Variants in CHSY3 observed in about 807,000 individuals in gnomAD.
CHSY3 encodes the protein chondroitin sulfate synthase 3.
A neutral mutation model predicts 67.2 loss-of-function variants in CHSY3; 35 were observed. The observed-to-expected ratio is 0.52, with a 90% CI of 0.40 to 0.69. The LOEUF (loss-of-function observed/expected upper bound fraction) is 0.69. CHSY3 is among the 30% of genes least tolerant of loss of function. The probability of loss-of-function intolerance (pLI) is 0.00; values close to 1 mark genes in which losing one functional copy is unlikely to be tolerated. For missense variants in CHSY3, 1,069 were observed against 1,138.5 expected (o/e 0.94, Z 0.88); for synonymous variants, 474 against 434.7 (o/e 1.09, Z -1.12).
At chr5:130,149,105 C>T (rs1411984834) in intron 2 of CHSY3, among the ~76,000 whole-genome samples, 2 of 152,134 alleles carry the variant, frequency 1.3e-5, no homozygotes, top group Non-Finnish European at 2.9e-5. Flanking sequence ...TTTCAATCTT[C>T]TTCATATGGC....
At chr5:130,143,399 A>G (rs983679688) in intron 2 of CHSY3, among the ~76,000 whole-genome samples, 1 of 152,106 alleles carries the variant, frequency 6.6e-6, no homozygotes, top group Admixed American at 6.6e-5. Flanking sequence ...AGGCCAAATT[A>G]ATCTATGCTA....
intron 2 of CHSY3, among the ~76,000 whole-genome samples, chr5:129,979,199 CAAAAAAAA>C (rs58584381): frequency 9.6e-5 from 6 of 62,538 alleles, no homozygotes; most frequent in Admixed American, 2.5e-4. Flanking sequence ...GACTCCGTCT[CAAAAAAAA>C]AAAAAAAAAA....
At chr5:129,951,756 T>A (rs1180976175) in intron 2 of CHSY3, among the ~76,000 whole-genome samples, 1 of 152,218 alleles carries the variant, frequency 6.6e-6, no homozygotes, top group Non-Finnish European at 1.5e-5. Flanking sequence ...ATGTAGATAC[T>A]TGGCTTTGTA....
At chr5:129,954,646 C>T (rs1035418251) in intron 2 of CHSY3, among the ~76,000 whole-genome samples, 2 of 152,036 alleles carry the variant, frequency 1.3e-5, no homozygotes, top group Admixed American at 6.6e-5. Flanking sequence ...TTTGTGTCCT[C>T]TCTTATTTCC....
chr5:129,997,821 C>T (rs751316113), intron 2 of CHSY3, among the ~76,000 whole-genome samples: 9 of 151,978 alleles, frequency 5.9e-5, no homozygotes, highest in Non-Finnish European at 7.4e-5. Context: ...TCCATGTCCC[C>T]GCAAAGGACA....
At chr5:129,966,013 A>G (rs80293966) in intron 2 of CHSY3, among the ~76,000 whole-genome samples, 2,214 of 152,034 alleles carry the variant, frequency 0.015, 64 homozygotes, top group African/African-American at 0.051. Flanking sequence ...CTGTACACAC[A>G]TGCAAAGATG....
chr5:130,147,527 A>G (rs759959957), intron 2 of CHSY3, among the ~76,000 whole-genome samples: 1 of 152,212 alleles, frequency 6.6e-6, no homozygotes, highest in Non-Finnish European at 1.5e-5. Context: ...TATAACATCA[A>G]GCATTTTAAC....
intron 2 of CHSY3, among the ~76,000 whole-genome samples, chr5:130,089,087 T>C (rs1285753308): frequency 1.3e-5 from 2 of 151,232 alleles, no homozygotes; most frequent in Admixed American, 6.6e-5. Context: ...ATGGAAGAAA[T>C]TGGAAATCAT....
At chr5:130,109,867 A>G (rs574484956) in intron 2 of CHSY3, among the ~76,000 whole-genome samples, 1 of 151,926 alleles carries the variant, frequency 6.6e-6, no homozygotes, top group African/African-American at 2.4e-5. Flanking sequence ...TCTTGTTTAA[A>G]CCAAAAGTGA....
chr5:129,999,192 T>G (rs1004289305), intron 2 of CHSY3, among the ~76,000 whole-genome samples: 1 of 151,738 alleles, frequency 6.6e-6, no homozygotes, highest in Admixed American at 6.6e-5. Flanking sequence ...TAATGTATCT[T>G]TTTTTCTATA....
chr5:129,934,276 C>A (rs2436450), intron 2 of CHSY3, among the ~76,000 whole-genome samples: 48,613 of 151,776 alleles, frequency 0.32, 8,226 homozygotes, highest in South Asian at 0.46. Flanking sequence ...ATATACATTA[C>A]AATATAATTA....
At chr5:129,912,373 C>T (rs373347321) in intron 2 of CHSY3, among the ~76,000 whole-genome samples, 6 of 152,060 alleles carry the variant, frequency 3.9e-5, no homozygotes, top group African/African-American at 9.7e-5. Context: ...ATCTCATTCT[C>T]CAGTCAACTC....
chr5:130,042,122 G>T (rs1765021179), intron 2 of CHSY3, among the ~76,000 whole-genome samples: 1 of 152,028 alleles, frequency 6.6e-6, no homozygotes, highest in Admixed American at 6.6e-5. Context: ...TGTAGTCCCA[G>T]CTACTTGGGA....
chr5:130,038,690 A>G (rs182124077), intron 2 of CHSY3, among the ~76,000 whole-genome samples: 2 of 152,242 alleles, frequency 1.3e-5, no homozygotes, highest in East Asian at 1.9e-4. Context: ...CCAAATAATT[A>G]GTTTTCTCTG....
At chr5:130,137,397 G>A (rs554725810) in intron 2 of CHSY3, among the ~76,000 whole-genome samples, 12 of 151,890 alleles carry the variant, frequency 7.9e-5, no homozygotes, top group Admixed American at 5.9e-4. Context: ...CTAAATATTC[G>A]AATATTTTCA....
At chr5:130,120,861 G>T (rs1384733385) in intron 2 of CHSY3, among the ~76,000 whole-genome samples, 3 of 152,200 alleles carry the variant, frequency 2.0e-5, no homozygotes, top group Non-Finnish European at 4.4e-5. Context: ...CCAAATGTTA[G>T]AATGTGGCCT....
At chr5:129,923,361 G>A (rs1008329989) in intron 2 of CHSY3, among the ~76,000 whole-genome samples, 3 of 152,144 alleles carry the variant, frequency 2.0e-5, no homozygotes, top group Non-Finnish European at 4.4e-5. Context: ...AGAGGGTGAA[G>A]AGGAGTGAGT....
rs1298647034 is a variant in CHSY3 at position 130,178,251 on chromosome 5, A to ATTTTTT, written c.1087-5977_1087-5976insTTTTTT. Among the ~76,000 whole-genome samples, 157 of 62,706 alleles carry ATTTTTT rather than the reference A, an allele frequency of 2.5e-3. 1 individual carries two copies. Among genetic ancestry groups the ATTTTTT allele is most frequent in the African/African-American group, 0.012 (151 of 12,590 alleles). 41.1% of individuals were successfully genotyped at this position (62,706 alleles called of 152,430 possible). On this transcript the variant is annotated intron_variant, in intron 2 of 2. Transcript: ENST00000305031. ...TTTATATATATATATATATATATAT[A>ATTTTTT]TATTTTTTTTTTTTTTTTTCCTGAG...
intron 2 of CHSY3, among the ~76,000 whole-genome samples, chr5:129,947,956 A>G (rs980805985): frequency 6.6e-6 from 1 of 152,028 alleles, no homozygotes; most frequent in African/African-American, 2.4e-5. Flanking sequence ...AAATCAGATT[A>G]TTTGTTTTTG....
Sources: allele counts gnomAD v4.1 joint callset (sites outside exome capture counted in the v4.1 genomes callset), GRCh38; gene constraint gnomAD v4.1.1; transcripts MANE v1.5; gene names NCBI Gene and HGNC (gene_info 2026-07-23, HGNC 2026-07-21).